Variants in GAL3ST2 observed in about 807,000 individuals in gnomAD.
GAL3ST2 encodes galactose-3-O-sulfotransferase 2, also known as beta-galactose-3-O-sulfotransferase 2.
GAL3ST2 carries 16 observed loss-of-function variants against 12.9 expected under a neutral mutation model. The observed-to-expected ratio is 1.24, with a 90% CI of 0.84 to 1.88. The LOEUF is 1.88. GAL3ST2 is among the 40% of genes most tolerant of loss of function. The pLI is 0.00. For synonymous variants in GAL3ST2, 302 were observed against 273.9 expected (o/e 1.10, Z -1.01); for missense variants, 639 against 571.8 (o/e 1.12, Z -1.20).
Position 241,803,814 on chromosome 2 carries a change from T to A in GAL3ST2, c.845T>A (p.Leu282Gln), listed in dbSNP as rs1258469645. The A allele has an allele frequency of 6.7e-7, 1 of 1,493,224 alleles. No homozygotes were observed. The highest frequency in any genetic ancestry group is 8.9e-7 in the Non-Finnish European group (1 of 1,129,790). 92.5% of individuals were successfully genotyped at this position (1,493,224 alleles called of 1,614,324 possible). A position where few individuals can be genotyped will look rare whatever the true frequency, so the allele number is the denominator to read the frequency against. The part of the protein sequence containing the change: ...ARSWCALDWR[L>Q]YEHFNRTLWA... ...AGCTGGTGCGCGCTGGACTGGCGCCTGTACGAGCATTTCAACCGCACCCTC... is the reference window on the plus strand; with the variant it reads ...AGCTGGTGCGCGCTGGACTGGCGCCAGTACGAGCATTTCAACCGCACCCTC... The change falls in exon 4 of 4, where the codon CTG becomes CAG. Residue 282 changes from leucine (L) to glutamine (Q), a missense_variant. By Grantham distance (113) the Leu-to-Gln change is moderately radical (BLOSUM62 -2). Transcript: ENST00000192314.
chr2:241,785,349 C>T (rs996171195), intron 1 of GAL3ST2, among the ~76,000 whole-genome samples: 28 of 152,004 alleles, frequency 1.8e-4, no homozygotes, highest in African/African-American at 6.5e-4. Flanking sequence ...GTTAGGAGTT[C>T]GAGACCAGCC....
At chr2:241,803,079 A>C (rs76379979) in intron 3 of GAL3ST2, among the ~76,000 whole-genome samples, 23,697 of 151,592 alleles carry the variant, frequency 0.16, 2,201 homozygotes, top group African/African-American at 0.24. Context: ...CTGCCCACGG[A>C]CTCCTCCTCC....
rs1400963751 is a variant in GAL3ST2, at chr2:241,800,352, G to A, written c.119+1198G>A. On this transcript the variant is annotated intron_variant, in intron 2 of 3. Coordinates refer to ENST00000192314, the MANE Select transcript of GAL3ST2 (RefSeq NM_022134.3). The surrounding 1 kb of genome is among the most constrained non-coding windows in gnomAD (Gnocchi z 5.2). ...ACAGCCGCCGACCCAGGCTGGGAGC[G>A]GGCACTTCGAGGGAGGGGGTGGGAC... 1.3e-5 allele frequency among the ~76,000 whole-genome samples: 2 copies of A among 149,640 alleles called. No individual in the cohort carries two copies. The highest frequency in any genetic ancestry group is 2.9e-5 in the Non-Finnish European group (2 of 67,930).
chr2:241,780,968 G>T (rs1161878009), intron 1 of GAL3ST2, among the ~76,000 whole-genome samples: 1 of 152,236 alleles, frequency 6.6e-6, no homozygotes, highest in East Asian at 1.9e-4. Flanking sequence ...TTAAAGGAAA[G>T]CTCACCGTTC....
At chr2:241,798,121 C>T (rs1699795783) in intron 1 of GAL3ST2, among the ~76,000 whole-genome samples, 1 of 152,182 alleles carries the variant, frequency 6.6e-6, no homozygotes, top group African/African-American at 2.4e-5. Context: ...ACCCTGGCTC[C>T]CCGCCCGACT....
At position 241,793,040 on chromosome 2, in the gene GAL3ST2, G is replaced by A. The variant is rs1232696110; in HGVS notation, c.30-6025G>A. Among the ~76,000 whole-genome samples, 5 of 152,118 alleles carry A rather than the reference G, an allele frequency of 3.3e-5. No homozygotes were observed. The highest frequency in any genetic ancestry group is 1.2e-4 in the African/African-American group (5 of 41,418). ...GCCTCTCCAGACCGAACCAATGTTC[G>A]TCCTGCATATGCGGACTGATGTCTC... On this transcript the variant is annotated intron_variant, in intron 1 of 3. Coordinates refer to ENST00000192314, the MANE Select transcript of GAL3ST2 (RefSeq NM_022134.3). The surrounding 1 kb of genome is among the most constrained non-coding windows in gnomAD (Gnocchi z 4.7).
chr2:241,800,216 G>T lies in GAL3ST2; in HGVS notation c.119+1062G>T, dbSNP rs1699823988. Among the ~76,000 whole-genome samples, 1 of 152,138 alleles carries T rather than the reference G, an allele frequency of 6.6e-6. No individual in the cohort carries two copies. Among genetic ancestry groups the T allele is most frequent in the Non-Finnish European group, 1.5e-5 (1 of 68,030 alleles). The stretch of plus-strand genomic sequence containing the variant: ...TCTGGTGGGGGTTCCAGGGTTGGGG[G>T]TGTCAACTGAAGAATCATGACATCT... On this transcript the variant is annotated intron_variant, in intron 2 of 3. Coordinates refer to ENST00000192314, the MANE Select transcript of GAL3ST2 (RefSeq NM_022134.3). The surrounding 1 kb of genome is among the most constrained non-coding windows in gnomAD (Gnocchi z 5.2).
At chr2:241,792,014 C>CT (rs765348346) in intron 1 of GAL3ST2, among the ~76,000 whole-genome samples, 9,487 of 133,852 alleles carry the variant, frequency 0.071, 462 homozygotes, top group African/African-American at 0.13. Flanking sequence ...TTCTTTCTTT[C>CT]TTTTTTTTTT....
chr2:241,777,008 C>G (rs1468191479), intron 1 of GAL3ST2, 24 bp downstream of exon 1: 7 of 1,491,714 alleles, frequency 4.7e-6, no homozygotes, highest in Non-Finnish European at 4.5e-6. Flanking sequence ...TTGGACCCCC[C>G]AGGTGGACAA....
rs1699763662 is a variant in GAL3ST2, at chr2:241,795,613, A to G, written c.30-3452A>G. 2.4e-4 allele frequency among the ~76,000 whole-genome samples: 36 copies of G among 152,290 alleles called. No individual in the cohort carries two copies. In the South Asian group the frequency reaches 7.5e-3, roughly 32 times the overall value. ...TAATCTCTAACTGTGCGGAGCCGTA[A>G]AACTGCCCTTCCCACCTCGTGCAGC... is the stretch of plus-strand genomic sequence containing the variant. On this transcript the variant is annotated intron_variant, in intron 1 of 3. Transcript: ENST00000192314. The surrounding 1 kb of genome is among the most constrained non-coding windows in gnomAD (Gnocchi z 4.5).
intron 1 of GAL3ST2, among the ~76,000 whole-genome samples, chr2:241,798,061 G>A (rs969502852): frequency 5.9e-5 from 9 of 152,212 alleles, no homozygotes; most frequent in African/African-American, 2.2e-4. Flanking sequence ...TCACTGAGGG[G>A]CCCCTTGGCT....
chr2:241,803,485 C>A lies in GAL3ST2; in HGVS notation c.516C>A (p.Ala172=), dbSNP rs1485101198. 2 of 1,611,588 alleles carry A rather than the reference C, an allele frequency of 1.2e-6. No individual in the cohort carries two copies. Among genetic ancestry groups the A allele is most frequent in the East Asian group, 4.5e-5 (2 of 44,848 alleles). Residue 172 remains alanine, a synonymous_variant, in exon 4 of 4, where the codon GCC becomes GCA. Transcript: ENST00000192314. ...RGAPSLDAFL[A]SPRTFYNDSR... is the part of the protein sequence containing the mutation. The stretch of plus-strand genomic sequence containing the variant: ...CCCCGAGCCTGGACGCGTTCCTGGC[C>A]TCGCCGCGGACGTTCTACAACGACA...
Position 241,778,814 on chromosome 2 carries a change from C to G in GAL3ST2, c.29+1830C>G, listed in dbSNP as rs111348773. ...TTCGGTCTGGAGAGGCAGGACGGCT[C>G]GAAGCAAAGGCAGGAAGACTCCAAG... On this transcript the variant is annotated intron_variant, in intron 1 of 3. Transcript: ENST00000192314. Among the ~76,000 whole-genome samples the G allele has an allele frequency of 2.1e-3, 319 of 152,128 alleles. 2 individuals are homozygous for G. The highest frequency in any genetic ancestry group is 7.4e-3 in the African/African-American group (305 of 41,486).
rs769969673 is a variant in GAL3ST2, at chr2:241,793,364, T to C, written c.30-5701T>C. On this transcript the variant is annotated intron_variant, in intron 1 of 3. Transcript: ENST00000192314. This position sits in a 1 kb window ranked among gnomAD's most constrained non-coding sequence, Gnocchi z 4.7. Reference sequence around the variant, plus strand: ...TCTGTATGTATGTGTGTGTATTGTGTGTGTATGTATGTATTGTGTATGCAT... The same window carrying C: ...TCTGTATGTATGTGTGTGTATTGTGCGTGTATGTATGTATTGTGTATGCAT... Among the ~76,000 whole-genome samples, 10 of 151,956 alleles carry C rather than the reference T, an allele frequency of 6.6e-5. No individual in the cohort carries two copies. The highest frequency in any genetic ancestry group is 8.8e-5 in the Non-Finnish European group (6 of 67,980).
chr2:241,802,029 T>G lies in GAL3ST2; in HGVS notation c.368T>G (p.Leu123Arg). 1 of 1,610,446 alleles carries G rather than the reference T, an allele frequency of 6.2e-7. No individual in the cohort carries two copies. Among genetic ancestry groups the G allele is most frequent in the South Asian group, 1.1e-5 (1 of 90,728 alleles). The change falls in exon 3 of 4, where the codon CTG becomes CGG. Residue 123 changes from leucine to arginine, a missense_variant. Coordinates refer to ENST00000192314, the MANE Select transcript of GAL3ST2 (RefSeq NM_022134.3). The surrounding 1 kb of genome is among the most constrained non-coding windows in gnomAD (Gnocchi z 4.8). ...ATGTGCAACCACCTGAGGTTCAACC[T>G]GCCTCAGGTACCGCGGGCCTGCTGG... ...NIMCNHLRFN[L>R]PQVQKVMPND...
chr2:241,780,247 G>A (rs1699550139), intron 1 of GAL3ST2, among the ~76,000 whole-genome samples: 1 of 152,104 alleles, frequency 6.6e-6, no homozygotes, highest in Non-Finnish European at 1.5e-5. Flanking sequence ...TTGGTTGGGT[G>A]TGGTGGCTCA....
chr2:241,777,068 T>G, intron 1 of GAL3ST2, 84 bp downstream of exon 1: 1 of 1,208,252 alleles, frequency 8.3e-7, no homozygotes, highest in Non-Finnish European at 1.1e-6. Context: ...TGGGTTTTGT[T>G]TGTCTTTCGA....
intron 1 of GAL3ST2, among the ~76,000 whole-genome samples, chr2:241,796,495 T>TGCTTAGTCA (rs538642673): frequency 6.6e-6 from 1 of 152,066 alleles, no homozygotes; most frequent in East Asian, 1.9e-4. Context: ...ATCAGGGCTC[T>TGCTTAGTCA]GCTCAGTCAT....
rs1201850660 is a variant in GAL3ST2 at position 241,800,321 on chromosome 2, GGGAGCACAGCCGCCGACCCAGGC to G, written c.119+1168_119+1190del. ...GGGAGCACAGCCGCCGACCCAGGCTGGGAGCACAGCCGCCGACCCAGGCTGGGAGCGGGCACTTCGAGGGAGGG... is the reference window on the plus strand; with the variant it reads ...GGGAGCACAGCCGCCGACCCAGGCTGTGGGAGCGGGCACTTCGAGGGAGGG... On this transcript the variant is annotated intron_variant, in intron 2 of 3. Transcript: ENST00000192314. The surrounding 1 kb of genome is among the most constrained non-coding windows in gnomAD (Gnocchi z 5.2). 2.4e-4 allele frequency among the ~76,000 whole-genome samples: 37 copies of G among 151,954 alleles called. No individual in the cohort carries two copies. The highest frequency in any genetic ancestry group is 8.4e-4 in the South Asian group (4 of 4,772).
Sources: gnomAD v4.1 joint callset for allele counts (sites outside exome capture counted in the v4.1 genomes callset) on GRCh38, gnomAD v4.1.1 for gene constraint, Gnocchi (gnomAD v3.1) non-coding constraint, MANE v1.5 for transcripts, NCBI Gene and HGNC (gene_info 2026-07-23, HGNC 2026-07-21) for gene names.